The following ZNF286A variants were observed in gnomAD, a reference collection of about 807,000 sequenced individuals.
ZNF286A encodes the protein zinc finger protein 286A.
A neutral mutation model predicts 49.3 loss-of-function variants in ZNF286A; 34 were observed. That is an observed-to-expected ratio of 0.69 (90% CI 0.52 to 0.92). The LOEUF is 0.92. ZNF286A is among the 40% of genes least tolerant of loss of function. The pLI, the probability that ZNF286A is intolerant of heterozygous loss-of-function variation, is 0.00. For missense variants in ZNF286A, 462 were observed against 600.2 expected, an observed-to-expected ratio of 0.77 and a Z score of 2.41; for synonymous variants, 155 against 200.4, an observed-to-expected ratio of 0.77 and a Z score of 1.91.
At chr17:15,705,685 A>G (rs1294651453) in intron 3 of ZNF286A, among the ~76,000 whole-genome samples, 2 of 152,202 alleles carry the variant, frequency 1.3e-5, no homozygotes, top group Non-Finnish European at 2.9e-5. Context: ...TATTTATTTC[A>G]GTAACCTTGA....
At position 15,700,115 on chromosome 17, in the gene ZNF286A, T is replaced by A; in HGVS notation, c.-195-20T>A. 1 of 555,370 alleles carries A rather than the reference T, an allele frequency of 1.8e-6. No homozygotes were observed. Among genetic ancestry groups the A allele is most frequent in the Non-Finnish European group, 3.2e-6 (1 of 313,870 alleles). 34.4% of individuals were successfully genotyped at this position (555,370 alleles called of 1,614,324 possible). On this transcript the variant is annotated intron_variant, in intron 1 of 5. Coordinates refer to ENST00000583566, the MANE Select transcript of ZNF286A (RefSeq NM_001130842.2). ...ACATCTGAGGACCCAGCCTCAGGGATGCTGTCCCCGGGCTTCCAGGCTCCA... is the reference window on the plus strand; with the variant it reads ...ACATCTGAGGACCCAGCCTCAGGGAAGCTGTCCCCGGGCTTCCAGGCTCCA...
At position 15,719,763 on chromosome 17, in the gene ZNF286A, G is replaced by A. The variant is rs1481021386; in HGVS notation, c.*2473G>A. 5 of 152,138 alleles carry A rather than the reference G, an allele frequency of 3.3e-5. No individual in the cohort carries two copies. The highest frequency in any genetic ancestry group is 1.3e-4 in the Admixed American group (2 of 15,274). 9.4% of individuals were successfully genotyped at this position (152,138 alleles called of 1,614,324 possible). ...GAAAGCCTAAAATATTTACTGTTTG[G>A]CTCTTTACAGAAAATATTTTCTTGG... On this transcript the variant is annotated 3_prime_UTR_variant, in exon 6 of 6. Coordinates refer to ENST00000583566, the MANE Select transcript of ZNF286A (RefSeq NM_001130842.2).
intron 3 of ZNF286A, chr17:15,704,959 C>A: frequency 7.3e-7 from 1 of 1,379,158 alleles, no homozygotes; most frequent in Admixed American, 2.6e-5. Context: ...TTCGGTCCGC[C>A]GGCCGGGGCG....
At chr17:15,711,294 A>T (rs1990628691) in intron 5 of ZNF286A, 1 of 152,054 alleles carries the variant, frequency 6.6e-6, no homozygotes, top group Non-Finnish European at 1.5e-5. Context: ...AAGGTTACAT[A>T]TATATTTGCC....
chr17:15,719,283 GT>G lies in ZNF286A; in HGVS notation c.*1996del, dbSNP rs1381116307. On this transcript the variant is annotated 3_prime_UTR_variant, in exon 6 of 6. Coordinates refer to ENST00000583566, the MANE Select transcript of ZNF286A (RefSeq NM_001130842.2). ...ATGGACCAACTCTGGCCCACCACCT[GT>G]TTCTCAGAAGAAAATTTTATTGGAA... 1.5e-5 allele frequency: 2 copies of G among 133,636 alleles called. No individual in the cohort carries two copies. The highest frequency in any genetic ancestry group is 3.2e-5 in the Non-Finnish European group (2 of 61,978). 8.3% of individuals were successfully genotyped at this position (133,636 alleles called of 1,614,324 possible). A position where few individuals can be genotyped will look rare whatever the true frequency, so the allele number is the denominator to read the frequency against.
chr17:15,716,948 G>A lies in ZNF286A; in HGVS notation c.1224G>A (p.Lys408=), dbSNP rs767266519. The A allele has an allele frequency of 3.1e-6, 5 of 1,610,966 alleles. No homozygotes were observed. Among genetic ancestry groups the A allele is most frequent in the Admixed American group, 1.7e-5 (1 of 59,780 alleles). ...TKHQRVHTGE[K]PYECSECGKT... Reference sequence around the variant, plus strand: ...ATCAGAGAGTTCATACTGGAGAAAAGCCATATGAATGCAGTGAATGTGGAA... The same window carrying A: ...ATCAGAGAGTTCATACTGGAGAAAAACCATATGAATGCAGTGAATGTGGAA... The change falls in exon 6 of 6, where the codon AAG becomes AAA. Residue 408 remains lysine (K), a synonymous_variant. Coordinates refer to ENST00000583566, the MANE Select transcript of ZNF286A (RefSeq NM_001130842.2).
Position 15,717,325 on chromosome 17 carries a change from T to C in ZNF286A, c.*35T>C. On this transcript the variant is annotated 3_prime_UTR_variant, in exon 6 of 6. Coordinates refer to ENST00000583566, the MANE Select transcript of ZNF286A (RefSeq NM_001130842.2). Reference sequence around the variant, plus strand: ...GAATGTGAAGAAATGTAAGTTGGTTTTATCACTGTATTAAATACTTGAGTG... The same window carrying C: ...GAATGTGAAGAAATGTAAGTTGGTTCTATCACTGTATTAAATACTTGAGTG... 1.4e-6 allele frequency: 2 copies of C among 1,394,922 alleles called. No homozygotes were observed. Among genetic ancestry groups the C allele is most frequent in the East Asian group, 4.8e-5 (2 of 41,952 alleles). The allele number at this position is 1,394,922 out of a possible 1,614,324, so 86.4% of individuals were successfully genotyped here.
intron 5 of ZNF286A, among the ~76,000 whole-genome samples, chr17:15,709,464 C>G (rs1990483698): frequency 6.6e-6 from 1 of 151,960 alleles, no homozygotes; most frequent in African/African-American, 2.4e-5. Context: ...TGCACTCCAG[C>G]CTGGGTGACA....
intron 3 of ZNF286A, chr17:15,704,866 A>T (rs1990084292): frequency 6.2e-7 from 1 of 1,611,822 alleles, no homozygotes; most frequent in Non-Finnish European, 8.5e-7. Flanking sequence ...CAGGCGGATG[A>T]TGTGCGGGGG....
At chr17:15,714,624 G>A (rs554912343) in intron 5 of ZNF286A, among the ~76,000 whole-genome samples, 5 of 152,210 alleles carry the variant, frequency 3.3e-5, no homozygotes, top group African/African-American at 9.6e-5. Context: ...AAGTAAAGAG[G>A]TTAAATAACT....
chr17:15,704,239 C>G, intron 3 of ZNF286A: 6 of 1,600,084 alleles, frequency 3.7e-6, no homozygotes, highest in Non-Finnish European at 4.2e-6. Context: ...CCACTACAGC[C>G]GCCGCAGCGC....
chr17:15,712,329 T>G (rs564939488), intron 5 of ZNF286A, among the ~76,000 whole-genome samples: 1 of 152,238 alleles, frequency 6.6e-6, no homozygotes, highest in Non-Finnish European at 1.5e-5. Flanking sequence ...CCACAACCAG[T>G]TACCTTCTAT....
chr17:15,707,167 G>T (rs541341864), intron 4 of ZNF286A, among the ~76,000 whole-genome samples: 3 of 152,136 alleles, frequency 2.0e-5, no homozygotes, highest in Non-Finnish European at 4.4e-5. Context: ...GAGGCCGGGC[G>T]CGGTGGCTCA....
chr17:15,719,684 G>C lies in ZNF286A; in HGVS notation c.*2394G>C, dbSNP rs1284537153. 6.6e-6 allele frequency: 1 copy of C among 152,072 alleles called. No individual in the cohort carries two copies. Among genetic ancestry groups the C allele is most frequent in the Non-Finnish European group, 1.5e-5 (1 of 68,036 alleles). 9.4% of individuals were successfully genotyped at this position (152,072 alleles called of 1,614,324 possible). ...CCCATTTCGTAATACCGTCAGTTAA[G>C]TTTCATTATATGACTTTGATGGGGA... On this transcript the variant is annotated 3_prime_UTR_variant, in exon 6 of 6. Coordinates refer to ENST00000583566, the MANE Select transcript of ZNF286A (RefSeq NM_001130842.2).
intron 3 of ZNF286A, 45 bp from the exon 4 acceptor site, chr17:15,706,342 A>G: frequency 1.3e-6 from 2 of 1,526,830 alleles, no homozygotes; most frequent in South Asian, 2.2e-5. Context: ...GATGAAAGAG[A>G]AGTAATTAAG....
At chr17:15,702,629 G>T (rs1989873554) in intron 3 of ZNF286A, among the ~76,000 whole-genome samples, 1 of 152,216 alleles carries the variant, frequency 6.6e-6, no homozygotes, top group Non-Finnish European at 1.5e-5. Context: ...AATCCAAGGT[G>T]TAAAAAGTAG....
intron 3 of ZNF286A, chr17:15,705,050 C>T (rs1990123196): frequency 1.1e-5 from 5 of 441,000 alleles, no homozygotes; most frequent in Non-Finnish European, 1.9e-5. Context: ...ACGTCCGCCG[C>T]GCACAGCGTA....
Position 15,717,403 on chromosome 17 carries a change from A to T in ZNF286A, c.*113A>T. The T allele has an allele frequency of 6.9e-7, 1 of 1,457,876 alleles. No individual in the cohort carries two copies. Among genetic ancestry groups the T allele is most frequent in the Non-Finnish European group, 9.1e-7 (1 of 1,094,968 alleles). The allele number at this position is 1,457,876 out of a possible 1,614,324, so 90.3% of individuals were successfully genotyped here. On this transcript the variant is annotated 3_prime_UTR_variant, in exon 6 of 6. Coordinates refer to ENST00000583566, the MANE Select transcript of ZNF286A (RefSeq NM_001130842.2). ...GCATGTGAGGACCAATTCTGTATGCATCTAATTTCATTTGCGTAATACATA... is the reference window on the plus strand; with the variant it reads ...GCATGTGAGGACCAATTCTGTATGCTTCTAATTTCATTTGCGTAATACATA...
In ZNF286A at chr17:15,708,383, T is replaced by C. The variant is rs147439063; in HGVS notation, c.334+136T>C. 184 of 523,864 alleles carry C rather than the reference T, an allele frequency of 3.5e-4. 2 individuals are homozygous for C. The Admixed American group carries it at 5.6e-3, about 16-fold the overall frequency. 32.5% of individuals were successfully genotyped at this position (523,864 alleles called of 1,614,324 possible). A position where few individuals can be genotyped will look rare whatever the true frequency, so the allele number is the denominator to read the frequency against. ...AAAATTCTAAAGCATTTAAAATATA[T>C]ACAGAAGTCCAGAAAATAAAATAAC... On this transcript the variant is annotated intron_variant, in intron 5 of 5. Transcript: ENST00000583566.
Sources: gnomAD v4.1 joint callset for allele counts (sites outside exome capture counted in the v4.1 genomes callset) on GRCh38, gnomAD v4.1.1 for gene constraint, MANE v1.5 for transcripts, NCBI Gene and HGNC (gene_info 2026-07-23, HGNC 2026-07-21) for gene names.